Variants in LUZP2 observed in about 807,000 individuals in gnomAD.
LUZP2 encodes the protein leucine zipper protein 2.
LUZP2 carries 52 observed loss-of-function variants against 51.6 expected under a neutral mutation model. The ratio of observed to expected loss-of-function variants is 1.01; its 90% CI spans 0.81 to 1.27. The LOEUF is 1.27. Ranked by LOEUF, LUZP2 falls within the 50% of genes most tolerant of loss-of-function variation. The probability of loss-of-function intolerance (pLI) is 0.00; values close to 1 mark genes in which losing one functional copy is unlikely to be tolerated. For missense variants in LUZP2, 436 were observed against 395.4 expected, an observed-to-expected ratio of 1.10 and a Z score of -0.87; for synonymous variants, 154 against 137.3, an observed-to-expected ratio of 1.12 and a Z score of -0.85.
rs73429114 is a variant in LUZP2, at chr11:24,498,701, A to G, written c.62+1396A>G. Among the ~76,000 whole-genome samples the G allele has an allele frequency of 6.6e-3, 1,011 of 152,336 alleles. 12 individuals are homozygous for G. Among genetic ancestry groups the G allele is most frequent in the African/African-American group, 0.023 (958 of 41,580 alleles). Reference sequence around the variant, plus strand: ...ATTTTAATATTTGTGGTTAGCTCTCAACAGTTCAATACAAATTATGCATCA... The same window carrying G: ...ATTTTAATATTTGTGGTTAGCTCTCGACAGTTCAATACAAATTATGCATCA... On this transcript the variant is annotated intron_variant, in intron 1 of 11. Coordinates refer to ENST00000336930, the MANE Select transcript of LUZP2 (RefSeq NM_001009909.4).
At chr11:24,665,568 T>C (rs112011519) in intron 1 of LUZP2, among the ~76,000 whole-genome samples, 8 of 152,246 alleles carry the variant, frequency 5.3e-5, no homozygotes, top group African/African-American at 1.7e-4. Flanking sequence ...AATCCCCAAA[T>C]GTCATGGGAG....
At chr11:24,853,218 T>C (rs1364986013) in intron 5 of LUZP2, among the ~76,000 whole-genome samples, 1 of 152,204 alleles carries the variant, frequency 6.6e-6, no homozygotes, top group Non-Finnish European at 1.5e-5. Context: ...TACCAGTTTT[T>C]CCTTTCCATA....
At chr11:25,043,064 C>G (rs752757071) in intron 9 of LUZP2, among the ~76,000 whole-genome samples, 1 of 152,106 alleles carries the variant, frequency 6.6e-6, no homozygotes, top group Non-Finnish European at 1.5e-5. Flanking sequence ...TCTAAGATGG[C>G]CATCTGCAAG....
rs1849401395 is a variant in LUZP2 at position 24,791,294 on chromosome 11, T to C, written c.396+27986T>C. 2.0e-5 allele frequency among the ~76,000 whole-genome samples: 3 copies of C among 152,342 alleles called. No individual in the cohort carries two copies. In the South Asian group the frequency reaches 6.2e-4, roughly 32 times the overall value. ...TAATATTAGTTGAATGAGCAAATCT[T>C]ATTCAAAGTCAGATAAATCTGAGCT... On this transcript the variant is annotated intron_variant, in intron 5 of 11. Transcript: ENST00000336930.
chr11:24,819,055 T>TA, intron 5 of LUZP2, among the ~76,000 whole-genome samples: 1 of 152,146 alleles, frequency 6.6e-6, no homozygotes, highest in South Asian at 2.1e-4. Flanking sequence ...GTATAATAGA[T>TA]ATACAGGGAA....
At chr11:25,001,905 C>A (rs186539684) in intron 9 of LUZP2, among the ~76,000 whole-genome samples, 105 of 152,200 alleles carry the variant, frequency 6.9e-4, no homozygotes, top group African/African-American at 2.5e-3. Context: ...CTGCCAGCTG[C>A]TTGTACTGCT....
chr11:24,860,286 A>C (rs1377159133), intron 5 of LUZP2, among the ~76,000 whole-genome samples: 1 of 152,126 alleles, frequency 6.6e-6, no homozygotes, highest in African/African-American at 2.4e-5. Context: ...CAGCGACAGA[A>C]TCTGATCTCC....
chr11:24,625,938 T>C (rs985234302), intron 1 of LUZP2, among the ~76,000 whole-genome samples: 1 of 152,118 alleles, frequency 6.6e-6, no homozygotes, highest in Non-Finnish European at 1.5e-5. Context: ...TTCTAGTCCA[T>C]TGGTCTTAGA....
At chr11:24,725,680 GAA>G (rs1858448775) in intron 1 of LUZP2, among the ~76,000 whole-genome samples, 1 of 152,052 alleles carries the variant, frequency 6.6e-6, no homozygotes, top group African/African-American at 2.4e-5. Context: ...GAGTGGACAA[GAA>G]TCTTCCAAAT....
At chr11:24,551,895 C>T (rs1041079924) in intron 1 of LUZP2, among the ~76,000 whole-genome samples, 4 of 151,830 alleles carry the variant, frequency 2.6e-5, no homozygotes, top group African/African-American at 9.7e-5. Flanking sequence ...ACATATGTCA[C>T]CTCCCCATAC....
At chr11:25,060,680 T>C (rs1335247026) in intron 10 of LUZP2, among the ~76,000 whole-genome samples, 1 of 152,310 alleles carries the variant, frequency 6.6e-6, no homozygotes, top group East Asian at 1.9e-4. Context: ...CATAGGCAAA[T>C]ACTGTTCTGT....
chr11:24,667,719 T>C (rs140431167), intron 1 of LUZP2, among the ~76,000 whole-genome samples: 7 of 152,228 alleles, frequency 4.6e-5, no homozygotes, highest in Non-Finnish European at 8.8e-5. Flanking sequence ...ATAGGCTTAG[T>C]CAAAAATATA....
intron 5 of LUZP2, among the ~76,000 whole-genome samples, chr11:24,816,578 T>G (rs938313351): frequency 1.3e-5 from 2 of 152,120 alleles, no homozygotes; most frequent in Non-Finnish European, 2.9e-5. Flanking sequence ...ATCTTGATTT[T>G]AATTGATGCC....
chr11:24,699,370 C>A (rs1056385063), intron 1 of LUZP2, among the ~76,000 whole-genome samples: 3 of 152,034 alleles, frequency 2.0e-5, no homozygotes, highest in African/African-American at 7.2e-5. Context: ...TAGTTTTTTT[C>A]ATAATTCACA....
chr11:24,920,549 A>G (rs1040455299), intron 7 of LUZP2, among the ~76,000 whole-genome samples: 1 of 152,148 alleles, frequency 6.6e-6, no homozygotes, highest in Non-Finnish European at 1.5e-5. Flanking sequence ...TGTAATATTC[A>G]TCAACAGATG....
At chr11:24,621,979 G>C (rs1409752561) in intron 1 of LUZP2, among the ~76,000 whole-genome samples, 1 of 151,276 alleles carries the variant, frequency 6.6e-6, no homozygotes, top group Admixed American at 6.6e-5. Context: ...AAAATACACG[G>C]TATCACTCTG....
chr11:24,954,217 A>T (rs1855156088), intron 7 of LUZP2, among the ~76,000 whole-genome samples: 1 of 152,058 alleles, frequency 6.6e-6, no homozygotes, highest in South Asian at 2.1e-4. Flanking sequence ...CCAAGGAAAA[A>T]AAAGGAGGAC....
At chr11:24,987,136 A>G (rs1030813440) in intron 9 of LUZP2, among the ~76,000 whole-genome samples, 3 of 151,948 alleles carry the variant, frequency 2.0e-5, no homozygotes, top group Non-Finnish European at 2.9e-5. Context: ...GGTGCCTGAC[A>G]CACATAAAGC....
At chr11:24,690,249 T>A (rs1857025243) in intron 1 of LUZP2, among the ~76,000 whole-genome samples, 2 of 152,142 alleles carry the variant, frequency 1.3e-5, no homozygotes, top group South Asian at 4.1e-4. Flanking sequence ...ATAAAAAGTC[T>A]CTTTTCCAAG....
Sources: allele counts gnomAD v4.1 joint callset (sites outside exome capture counted in the v4.1 genomes callset), GRCh38; gene constraint gnomAD v4.1.1; transcripts MANE v1.5; gene names NCBI Gene and HGNC (gene_info 2026-07-23, HGNC 2026-07-21).